The following SAMMSON variants were observed in gnomAD, a reference collection of about 807,000 sequenced individuals.
SAMMSON encodes the protein survival associated mitochondrial melanoma specific oncogenic non-coding RNA.
At chr3:70,200,697 G>A (rs959414556) in intron 4 of SAMMSON, among the ~76,000 whole-genome samples, 2 of 152,156 alleles carry the variant, frequency 1.3e-5, no homozygotes, top group African/African-American at 4.8e-5. Flanking sequence ...GTTGCAAGAG[G>A]CAAGAAAGCC....
chr3:70,362,093 A>G (rs183252166), intron 9 of SAMMSON, among the ~76,000 whole-genome samples: 69 of 152,296 alleles, frequency 4.5e-4, no homozygotes, highest in Middle Eastern at 6.8e-3. Flanking sequence ...AAATGCCTGT[A>G]AAGTGTGGTA....
chr3:70,111,768 C>CA (rs545026905), intron 4 of SAMMSON, among the ~76,000 whole-genome samples: 136 of 151,708 alleles, frequency 9.0e-4, no homozygotes, highest in African/African-American at 2.8e-3. Flanking sequence ...GTTCCAGAAA[C>CA]AAAAAAATGT....
At chr3:70,426,124 T>C (rs189917004) in intron 2 of SAMMSON, among the ~76,000 whole-genome samples, 22 of 152,318 alleles carry the variant, frequency 1.4e-4, no homozygotes, top group Non-Finnish European at 2.2e-4. Context: ...TCCAGTAATA[T>C]TGAGTTCTTT....
At chr3:70,306,258 C>T (rs918870120) in intron 7 of SAMMSON, among the ~76,000 whole-genome samples, 1 of 152,106 alleles carries the variant, frequency 6.6e-6, no homozygotes, top group Admixed American at 6.5e-5. Context: ...CACTCGCCAC[C>T]ACACGTGGCT....
At chr3:70,320,050 T>C (rs1031899546) in intron 7 of SAMMSON, among the ~76,000 whole-genome samples, 2 of 151,994 alleles carry the variant, frequency 1.3e-5, no homozygotes, top group Non-Finnish European at 2.9e-5. Context: ...ATGGAAAGAT[T>C]TGAGATCCAT....
intron 1 of SAMMSON, among the ~76,000 whole-genome samples, chr3:70,004,603 A>G (rs2107574434): frequency 6.6e-6 from 1 of 152,308 alleles, no homozygotes; most frequent in East Asian, 1.9e-4. Flanking sequence ...AGAAACAAAG[A>G]AATACCTAAA....
intron 3 of SAMMSON, among the ~76,000 whole-genome samples, chr3:70,039,518 G>A (rs1429225589): frequency 1.3e-5 from 2 of 150,732 alleles, no homozygotes. Context: ...CCAGCCAGAT[G>A]GCCACACTGA....
At chr3:70,041,722 A>G (rs1418151733) in intron 3 of SAMMSON, among the ~76,000 whole-genome samples, 1 of 152,130 alleles carries the variant, frequency 6.6e-6, no homozygotes, top group Non-Finnish European at 1.5e-5. Context: ...ACATTGTATT[A>G]GGTGTTATTA....
intron 7 of SAMMSON, among the ~76,000 whole-genome samples, chr3:70,326,828 C>T (rs1403074488): frequency 6.6e-6 from 1 of 152,062 alleles, no homozygotes; most frequent in Non-Finnish European, 1.5e-5. Context: ...CATCATTGTA[C>T]ATATTTGATG....
intron 6 of SAMMSON, among the ~76,000 whole-genome samples, chr3:70,281,641 C>T (rs977657349): frequency 6.6e-6 from 1 of 152,102 alleles, no homozygotes; most frequent in African/African-American, 2.4e-5. Context: ...TTTTATGTCT[C>T]TCGGTATTTA....
At chr3:70,103,419 A>G (rs762777525) in intron 4 of SAMMSON, among the ~76,000 whole-genome samples, 4 of 152,196 alleles carry the variant, frequency 2.6e-5, no homozygotes, top group South Asian at 2.1e-4. Context: ...TCCCAAGCCA[A>G]ATGGTTTCCT....
At chr3:70,214,821 G>T (rs536983622) in intron 4 of SAMMSON, among the ~76,000 whole-genome samples, 1 of 151,908 alleles carries the variant, frequency 6.6e-6, no homozygotes, top group Non-Finnish European at 1.5e-5. Context: ...TCATTTTTAT[G>T]CAGTTACCTT....
chr3:70,042,392 T>C (rs2067109489), intron 3 of SAMMSON, among the ~76,000 whole-genome samples: 1 of 152,018 alleles, frequency 6.6e-6, no homozygotes, highest in Non-Finnish European at 1.5e-5. Context: ...CCATGAATGG[T>C]GGAATTGTCA....
chr3:70,180,607 C>G (rs1170590895), intron 4 of SAMMSON, among the ~76,000 whole-genome samples: 1 of 152,010 alleles, frequency 6.6e-6, no homozygotes, highest in Non-Finnish European at 1.5e-5. Flanking sequence ...GCATTACTGC[C>G]CAATCAAGCA....
chr3:70,425,802 CT>C (rs1395330076), intron 2 of SAMMSON, among the ~76,000 whole-genome samples: 1 of 152,096 alleles, frequency 6.6e-6, no homozygotes, highest in African/African-American at 2.4e-5. Flanking sequence ...TTTGAGACCC[CT>C]GTAAGGACTC....
At chr3:70,315,015 T>C (rs1466637432) in intron 7 of SAMMSON, among the ~76,000 whole-genome samples, 1 of 152,194 alleles carries the variant, frequency 6.6e-6, no homozygotes, top group Non-Finnish European at 1.5e-5. Flanking sequence ...ATTACAGTTA[T>C]CCTTTGATAA....
chr3:70,150,601 G>A (rs979712234), intron 4 of SAMMSON, among the ~76,000 whole-genome samples: 18 of 151,976 alleles, frequency 1.2e-4, no homozygotes, highest in African/African-American at 3.9e-4. Flanking sequence ...AAATAGATTA[G>A]CAGGATTCAT....
At chr3:70,285,563 G>T (rs1702152692) in intron 6 of SAMMSON, among the ~76,000 whole-genome samples, 1 of 151,782 alleles carries the variant, frequency 6.6e-6, no homozygotes, top group Admixed American at 6.6e-5. Flanking sequence ...AGTCCTTTGG[G>T]TATATACCCA....
At chr3:70,386,448 A>G (rs1703123463) in intron 9 of SAMMSON, among the ~76,000 whole-genome samples, 1 of 152,080 alleles carries the variant, frequency 6.6e-6, no homozygotes, top group South Asian at 2.1e-4. Flanking sequence ...GAAAAAAAAT[A>G]AATTCATTTG....
Sources: allele counts gnomAD v4.1 joint callset (sites outside exome capture counted in the v4.1 genomes callset), GRCh38; gene constraint gnomAD v4.1.1; transcripts MANE v1.5; gene names NCBI Gene and HGNC (gene_info 2026-07-23, HGNC 2026-07-21).